The following ARHGAP26 variants were observed in gnomAD, a reference collection of about 807,000 sequenced individuals.
The protein encoded by ARHGAP26 is Rho GTPase activating protein 26.
ARHGAP26 carries 38 observed loss-of-function variants against 104.8 expected under a neutral mutation model. The ratio of observed to expected loss-of-function variants is 0.36; its 90% CI spans 0.28 to 0.48. ARHGAP26 has a LOEUF of 0.48. Among genes scored for constraint, ARHGAP26 ranks in the 20% least tolerant of loss-of-function variants. The probability of loss-of-function intolerance (pLI) is 0.99; values close to 1 mark genes in which losing one functional copy is unlikely to be tolerated. For synonymous variants in ARHGAP26, 341 were observed against 340.0 expected (o/e 1.00, Z -0.03); for missense variants, 704 against 947.9 (o/e 0.74, Z 3.38).
chr5:142,996,633 A>G (rs996262269), intron 11 of ARHGAP26, among the ~76,000 whole-genome samples: 3 of 151,888 alleles, frequency 2.0e-5, no homozygotes, highest in Non-Finnish European at 2.9e-5. Context: ...TACCCCTCCT[A>G]TTGTCTTGAG....
intron 17 of ARHGAP26, among the ~76,000 whole-genome samples, chr5:143,116,753 G>T (rs894100681): frequency 8.5e-5 from 13 of 152,318 alleles, no homozygotes; most frequent in Admixed American, 7.8e-4. Context: ...TCCTCTTAAA[G>T]CAAAGGTGGC....
intron 11 of ARHGAP26, among the ~76,000 whole-genome samples, chr5:142,962,487 A>G (rs1770421529): frequency 6.6e-6 from 1 of 152,238 alleles, no homozygotes; most frequent in Non-Finnish European, 1.5e-5. Flanking sequence ...GAATAATAAT[A>G]TGATAACGGA....
At chr5:143,123,695 A>G (rs1796395566) in intron 18 of ARHGAP26, among the ~76,000 whole-genome samples, 1 of 152,130 alleles carries the variant, frequency 6.6e-6, no homozygotes, top group East Asian at 1.9e-4. Context: ...TCTACAAAAA[A>G]TAAAAATGAA....
In ARHGAP26 at chr5:142,890,151, AATATATATATATATAT is replaced by A. The variant is rs752591382; in HGVS notation, c.487-4056_487-4041del. Among the ~76,000 whole-genome samples the A allele has an allele frequency of 3.9e-3, 127 of 32,420 alleles. 3 individuals are homozygous for A. Among genetic ancestry groups the A allele is most frequent in the South Asian group, 5.9e-3 (4 of 680 alleles). 21.3% of individuals were successfully genotyped at this position (32,420 alleles called of 152,430 possible). A position where few individuals can be genotyped will look rare whatever the true frequency, so the allele number is the denominator to read the frequency against. On this transcript the variant is annotated intron_variant, in intron 5 of 22. Transcript: ENST00000645722. ...AACTCCGTCTTAAAAAAAAAAAAAA[AATATATATATATATAT>A]ATATATATATATATATATATATATA... is the stretch of plus-strand genomic sequence containing the variant.
intron 17 of ARHGAP26, among the ~76,000 whole-genome samples, chr5:143,097,664 C>CA (rs1050778447): frequency 1.3e-5 from 2 of 151,262 alleles, no homozygotes; most frequent in African/African-American, 2.4e-5. Context: ...ACTAAAAATA[C>CA]AAAAAAAATT....
chr5:143,014,304 C>G, intron 12 of ARHGAP26, 188 bp downstream of exon 12: 1 of 635,572 alleles, frequency 1.6e-6, no homozygotes, highest in Non-Finnish European at 2.8e-6. Flanking sequence ...GTAAGTGAGC[C>G]TGGCTGGCAA....
chr5:143,039,956 C>T (rs546125840), intron 13 of ARHGAP26, among the ~76,000 whole-genome samples: 10 of 152,220 alleles, frequency 6.6e-5, no homozygotes, highest in African/African-American at 1.7e-4. Context: ...GCCATTTTAG[C>T]GTAAATAGTT....
chr5:142,835,861 A>G (rs1328079299), intron 1 of ARHGAP26, among the ~76,000 whole-genome samples: 1 of 152,242 alleles, frequency 6.6e-6, no homozygotes, highest in Non-Finnish European at 1.5e-5. Flanking sequence ...ATTAGATTCT[A>G]TTTGTGTTAT....
chr5:143,058,657 G>A (rs10057800), intron 17 of ARHGAP26, among the ~76,000 whole-genome samples: 39,236 of 152,224 alleles, frequency 0.26, 5,404 homozygotes, highest in South Asian at 0.47. Flanking sequence ...TCCATACTTT[G>A]CTATGCCATT....
intron 11 of ARHGAP26, among the ~76,000 whole-genome samples, chr5:142,998,490 C>T (rs1426195085): frequency 6.6e-6 from 1 of 152,184 alleles, no homozygotes; most frequent in African/African-American, 2.4e-5. Context: ...GTTGCCTTGG[C>T]TGCTGGCTGT....
chr5:142,972,175 C>G (rs1772389332), intron 11 of ARHGAP26, among the ~76,000 whole-genome samples: 1 of 111,762 alleles, frequency 8.9e-6, no homozygotes. Context: ...GAGCGAGATT[C>G]CATCTAAAAA....
chr5:143,185,906 A>G (rs1805067138), intron 20 of ARHGAP26, among the ~76,000 whole-genome samples: 1 of 152,176 alleles, frequency 6.6e-6, no homozygotes, highest in African/African-American at 2.4e-5. Context: ...CCCGGTGGGA[A>G]GTTTCTCACT....
At chr5:143,149,694 G>A (rs1291085475) in intron 20 of ARHGAP26, among the ~76,000 whole-genome samples, 1 of 152,178 alleles carries the variant, frequency 6.6e-6, no homozygotes, top group Non-Finnish European at 1.5e-5. Context: ...GGACCCTTTT[G>A]TTCCCTCCAT....
Position 143,137,387 on chromosome 5 carries a change from C to T in ARHGAP26, c.1837+3282C>T, listed in dbSNP as rs993276612. ...TTGTCAGTGGGCTGTGGACACTTGC[C>T]GTTCATGTCAGTTTCCTGCTGTGCC... On this transcript the variant is annotated intron_variant, in intron 19 of 22. Coordinates refer to ENST00000645722, the MANE Select transcript of ARHGAP26 (RefSeq NM_001135608.3). 5.3e-5 allele frequency among the ~76,000 whole-genome samples: 8 copies of T among 152,316 alleles called. No individual in the cohort carries two copies. The East Asian group carries it at 5.8e-4, about 11-fold the overall frequency.
chr5:143,067,981 T>C (rs559494237), intron 17 of ARHGAP26, among the ~76,000 whole-genome samples: 8 of 152,186 alleles, frequency 5.3e-5, no homozygotes, highest in Non-Finnish European at 1.2e-4. Flanking sequence ...CTGGCCAACA[T>C]GGTGAAACCC....
At position 143,196,252 on chromosome 5, in the gene ARHGAP26, C is replaced by A. The variant is rs117553552; in HGVS notation, c.1989-10946C>A. ...TTGCTTTCTCCTCCCCCATCACAGT[C>A]CTCTTCTTCCCCACAAGGGCTCTAA... On this transcript the variant is annotated intron_variant, in intron 20 of 22. Coordinates refer to ENST00000645722, the MANE Select transcript of ARHGAP26 (RefSeq NM_001135608.3). Among the ~76,000 whole-genome samples the A allele has an allele frequency of 1.5e-3, 229 of 152,216 alleles. 3 individuals are homozygous for A. The East Asian group carries it at 0.043, about 28-fold the overall frequency.
At chr5:143,116,589 G>T (rs1795474740) in intron 17 of ARHGAP26, among the ~76,000 whole-genome samples, 1 of 152,184 alleles carries the variant, frequency 6.6e-6, no homozygotes. Context: ...CAGCCTGGGG[G>T]TCTCTGCCTT....
intron 1 of ARHGAP26, among the ~76,000 whole-genome samples, chr5:142,780,389 AT>A: frequency 6.6e-6 from 1 of 152,332 alleles, no homozygotes; most frequent in East Asian, 1.9e-4. Context: ...GGGTATGTAC[AT>A]TTTTCATTTT....
intron 19 of ARHGAP26, among the ~76,000 whole-genome samples, chr5:143,134,668 T>C (rs1797723101): frequency 6.6e-6 from 1 of 152,260 alleles, no homozygotes; most frequent in Admixed American, 6.5e-5. Flanking sequence ...CAGTGTGTTA[T>C]CACCACAATT....
Sources: allele counts gnomAD v4.1 joint callset (sites outside exome capture counted in the v4.1 genomes callset), GRCh38; gene constraint gnomAD v4.1.1; transcripts MANE v1.5; gene names NCBI Gene and HGNC (gene_info 2026-07-23, HGNC 2026-07-21).